The following CRNKL1 variants were observed in gnomAD, a reference collection of about 807,000 sequenced individuals.
CRNKL1 encodes crooked neck pre-mRNA splicing factor 1, also known as crooked neck-like protein 1.
CRNKL1 carries 35 observed loss-of-function variants against 103.7 expected under a neutral mutation model. That is an observed-to-expected ratio of 0.34 (90% CI 0.26 to 0.45). The LOEUF is 0.45. Among genes scored for constraint, CRNKL1 ranks in the 20% least tolerant of loss-of-function variants. CRNKL1 has a pLI of 1.00. For synonymous variants in CRNKL1, 267 were observed against 282.6 expected (o/e 0.94, Z 0.55); for missense variants, 645 against 836.0 (o/e 0.77, Z 2.82).
chr20:20,052,599 A>T, upstream of CRNKL1: 2 of 1,613,776 alleles, frequency 1.2e-6, no homozygotes, highest in Non-Finnish European at 1.7e-6. Context: ...GAGGTGGGTA[A>T]CGCCGTGCTG....
chr20:20,049,358 C>T lies in CRNKL1; in HGVS notation c.278G>A (p.Ser93Asn), dbSNP rs751026217. The change falls in exon 3 of 14, where the codon AGC becomes AAC. Residue 93 changes from serine (S) to asparagine (N), a missense_variant. Ser to Asn is a conservative substitution (Grantham distance 46, BLOSUM62 1). Around this residue, in one of 2 missense-constraint regions of CRNKL1, gnomAD observed 63 missense variants for 128.3 expected, o/e 0.49. Transcript: ENST00000536226. ...NWIKYAQWEE[S>N]LKEIQRARSI... ...ATTTTACCTTTGAATCTCCTTTAGG[C>T]TTTCTTCCCATTGTGCGTATTTTAT... 1.3e-6 allele frequency: 2 copies of T among 1,582,486 alleles called. No individual in the cohort carries two copies. The highest frequency in any genetic ancestry group is 4.5e-5 in the East Asian group (2 of 44,730).
In CRNKL1 at chr20:20,052,348, C is replaced by T; in HGVS notation, c.-6G>A. 3.7e-6 allele frequency: 6 copies of T among 1,613,866 alleles called. No individual in the cohort carries two copies. Among genetic ancestry groups the T allele is most frequent in the Non-Finnish European group, 5.1e-6 (6 of 1,180,014 alleles). On this transcript the variant is annotated 5_prime_UTR_variant, in exon 1 of 14. Transcript: ENST00000536226. ...GCCGCGGTGGAGGCCGCCATGTCTG[C>T]AGCAGTCGACCTCTGGACACCTGTC...
rs372675083 is a variant in CRNKL1, at chr20:20,052,377, G to A, written c.-35C>T. On this transcript the variant is annotated 5_prime_UTR_variant, in exon 1 of 14. Transcript: ENST00000536226. ...AGTCGACCTCTGGACACCTGTCCCC[G>A]GCACGGACGCTAGAAATCGGCTCTG... 5.0e-6 allele frequency: 8 copies of A among 1,614,024 alleles called. No homozygotes were observed. Among genetic ancestry groups the A allele is most frequent in the African/African-American group, 1.3e-5 (1 of 74,930 alleles).
At position 20,045,483 on chromosome 20, in the gene CRNKL1, A is replaced by C; in HGVS notation, c.626T>G (p.Val209Gly). The change falls in exon 6 of 14, where the codon GTC (valine) becomes GGC (glycine). Residue 209 changes from valine (V) to glycine (G), a missense_variant. Val to Gly is a moderately radical substitution (Grantham distance 109). Transcript: ENST00000536226. Reference protein sequence around the residue: ...DRARTIYERFVLVHPDVKNWI... With the variant: ...DRARTIYERFGLVHPDVKNWI... ...GTTCTTAACATCAGGGTGCACGAGG[A>C]CAAGTGCAAGGGAATTAAGGAAATC... 1 of 1,607,876 alleles carries C rather than the reference A, an allele frequency of 6.2e-7. No individual in the cohort carries two copies. Among genetic ancestry groups the C allele is most frequent in the Non-Finnish European group, 8.5e-7 (1 of 1,176,542 alleles).
chr20:20,049,501 T>C, intron 2 of CRNKL1, 70 bp from the exon 3 acceptor site: 1 of 763,860 alleles, frequency 1.3e-6, no homozygotes, highest in South Asian at 1.6e-5. Flanking sequence ...TGGTCTATTT[T>C]AAGTCTTGTA....
chr20:20,055,411 T>G (rs1020528555), upstream of CRNKL1, among the ~76,000 whole-genome samples: 16 of 152,170 alleles, frequency 1.1e-4, no homozygotes, highest in African/African-American at 2.7e-4. Context: ...GCTGGTGAGT[T>G]TAATTTTTCT....
In CRNKL1 at chr20:20,052,292, C is replaced by G. The variant is rs1313090178; in HGVS notation, c.51G>C (p.Lys17Asn). Residue 17 changes from lysine to asparagine, a missense_variant and splice_region_variant, in exon 1 of 14, where the codon AAG (lysine) becomes AAC (asparagine). Lys to Asn is a moderately conservative substitution (Grantham distance 94). Around this residue, in one of 2 missense-constraint regions of CRNKL1, gnomAD observed 63 missense variants for 128.3 expected, o/e 0.49. Transcript: ENST00000536226. ...AGKQRIPKVA[K>N]VKNKAPAEVQ... ...TACAAGGCCCCTCGCGATCGCCTAC[C>G]TTGGCCACTTTGGGAATCCGCTGCT... 4 of 1,609,278 alleles carry G rather than the reference C, an allele frequency of 2.5e-6. No individual in the cohort carries two copies. Among genetic ancestry groups the G allele is most frequent in the Non-Finnish European group, 3.4e-6 (4 of 1,178,974 alleles).
chr20:20,053,411 T>G (rs6075608), upstream of CRNKL1, among the ~76,000 whole-genome samples: 8,343 of 152,254 alleles, frequency 0.055, 272 homozygotes, highest in East Asian at 0.1. Context: ...GTTACAATCT[T>G]GAACCTACAT....
chr20:20,052,560 G>C, upstream of CRNKL1: 1 of 1,614,126 alleles, frequency 6.2e-7, no homozygotes, highest in Non-Finnish European at 8.5e-7. Context: ...GCGGCAGCGC[G>C]TGGAGTGCGG....
At position 20,035,062 on chromosome 20, in the gene CRNKL1, A is replaced by AAAT. The variant is rs1555819608; in HGVS notation, c.*1130_*1132dup. On this transcript the variant is annotated 3_prime_UTR_variant, in exon 14 of 14. Transcript: ENST00000536226. ...TTGAGAATGTGAGCAACGTATCAGC[A>AAAT]AATACATTCATTCTTGTGCTACTCT... 1 of 152,224 alleles carries AAAT rather than the reference A, an allele frequency of 6.6e-6. No individual in the cohort carries two copies. Among genetic ancestry groups the AAAT allele is most frequent in the Non-Finnish European group, 1.5e-5 (1 of 68,042 alleles). 9.4% of individuals were successfully genotyped at this position (152,224 alleles called of 1,614,324 possible). A position where few individuals can be genotyped will look rare whatever the true frequency, so the allele number is the denominator to read the frequency against.
intron 5 of CRNKL1, among the ~76,000 whole-genome samples, chr20:20,047,478 T>C (rs1489615685): frequency 6.6e-6 from 1 of 152,206 alleles, no homozygotes; most frequent in Non-Finnish European, 1.5e-5. Flanking sequence ...CTTGAGTTCC[T>C]GGAAACAATC....
At chr20:20,041,709 G>T in intron 8 of CRNKL1, 84 bp from the exon 9 acceptor site, 1 of 989,760 alleles carries the variant, frequency 1.0e-6, no homozygotes, top group South Asian at 1.3e-5. Context: ...TACTGATATT[G>T]GTAAAAATGT....
intron 12 of CRNKL1, 112 bp downstream of exon 12, chr20:20,038,236 AT>A (rs1254406455): frequency 5.2e-5 from 33 of 629,966 alleles, no homozygotes; most frequent in Middle Eastern, 2.6e-4. Context: ...CAAGGAAGTC[AT>A]TAAAAAAAAA....
At chr20:20,042,123 G>C (rs1435409822) in intron 8 of CRNKL1, among the ~76,000 whole-genome samples, 1 of 152,132 alleles carries the variant, frequency 6.6e-6, no homozygotes, top group Admixed American at 6.6e-5. Context: ...AGTTAAAAAA[G>C]CCCCTCACGT....
upstream of CRNKL1, chr20:20,055,919 A>G (rs760619217): frequency 6.5e-7 from 1 of 1,528,360 alleles, no homozygotes; most frequent in Non-Finnish European, 9.1e-7. Flanking sequence ...AGACAATGAG[A>G]GAGAAATTGA....
chr20:20,047,249 A>G (rs376218806), intron 5 of CRNKL1, among the ~76,000 whole-genome samples: 2 of 152,348 alleles, frequency 1.3e-5, no homozygotes, highest in South Asian at 4.1e-4. Flanking sequence ...GAGATAAAGT[A>G]TTCGTGAGAA....
intron 3 of CRNKL1, among the ~76,000 whole-genome samples, chr20:20,049,019 C>T (rs1043720974): frequency 7.1e-6 from 1 of 140,132 alleles, no homozygotes; most frequent in Non-Finnish European, 1.5e-5. Flanking sequence ...TTTTTTTGGC[C>T]ATTGGTTTTA....
upstream of CRNKL1, chr20:20,052,706 T>A: frequency 6.2e-7 from 1 of 1,610,018 alleles, no homozygotes; most frequent in South Asian, 1.1e-5. Context: ...CGAGTGGCTC[T>A]GTCGAGCCGT....
intron 4 of CRNKL1, 43 bp downstream of exon 4, chr20:20,048,300 T>G: frequency 6.2e-7 from 1 of 1,602,726 alleles, no homozygotes; most frequent in Non-Finnish European, 8.5e-7. Flanking sequence ...ATGTGGAACT[T>G]TGCTAGTCTA....
Sources: gnomAD v4.1 joint callset for allele counts (sites outside exome capture counted in the v4.1 genomes callset) on GRCh38, gnomAD v4.1.1 for gene constraint, gnomAD v4.1.1 regional missense constraint, MANE v1.5 for transcripts, NCBI Gene and HGNC (gene_info 2026-07-23, HGNC 2026-07-21) for gene names.